Variants in NFIX observed in about 807,000 individuals in gnomAD.
NFIX encodes the protein nuclear factor I X.
Under a neutral mutation model 53.3 loss-of-function variants are expected in NFIX, and 2 were observed. The observed-to-expected ratio is 0.04, with a 90% CI of 0.02 to 0.12. NFIX has a LOEUF of 0.12. NFIX is among the 10% of genes least tolerant of loss of function. NFIX has a pLI of 1.00. For missense variants in NFIX, 310 were observed against 674.5 expected (o/e 0.46, Z 5.99); for synonymous variants, 244 against 289.0 (o/e 0.84, Z 1.58).
rs2018444238 is a variant in NFIX, at chr19:13,096,211, T to TC, written c.*1562_*1563insC. 4 of 152,882 alleles carry TC rather than the reference T, an allele frequency of 2.6e-5. No individual in the cohort carries two copies. Among genetic ancestry groups the TC allele is most frequent in the Admixed American group, 2.0e-4 (3 of 15,280 alleles). 9.5% of individuals were successfully genotyped at this position (152,882 alleles called of 1,614,324 possible). Reference sequence around the variant, plus strand: ...TTCTTGAGTCCTTGTGCCTCTCTCTTTCTCTCTCTTTCTTAATTGTATGAA... The same window carrying TC: ...TTCTTGAGTCCTTGTGCCTCTCTCTTCTCTCTCTCTTTCTTAATTGTATGAA... On this transcript the variant is annotated 3_prime_UTR_variant, in exon 11 of 11. Transcript: ENST00000592199.
rs948774347 is a variant in NFIX, at chr19:13,011,192, C to G, written c.28-13829C>G. 3.3e-5 allele frequency among the ~76,000 whole-genome samples: 5 copies of G among 152,320 alleles called. No individual in the cohort carries two copies. The highest frequency in any genetic ancestry group is 4.1e-4 in the South Asian group (2 of 4,822). The stretch of plus-strand genomic sequence containing the variant: ...ACGTTCTTAAAGACCGGGGACCCCC[C>G]CTCCCCCAAGGGCCGGACTGCAGCT... On this transcript the variant is annotated intron_variant, in intron 1 of 10. Coordinates refer to ENST00000592199, the MANE Select transcript of NFIX (RefSeq NM_001365902.3). The surrounding 1 kb of genome is among the most constrained non-coding windows in gnomAD (Gnocchi z 6.5).
At chr19:13,057,213 C>G (rs1425719259) in intron 2 of NFIX, among the ~76,000 whole-genome samples, 2 of 152,216 alleles carry the variant, frequency 1.3e-5, no homozygotes, top group Non-Finnish European at 2.9e-5. Flanking sequence ...GTGGGACCTT[C>G]CCCTCCTCGG....
chr19:13,047,512 C>T (rs1009663508), intron 2 of NFIX, among the ~76,000 whole-genome samples: 19 of 152,220 alleles, frequency 1.2e-4, no homozygotes, highest in African/African-American at 4.3e-4. Flanking sequence ...GCTCTGACTA[C>T]ACCATGCTTG....
chr19:13,075,499 A>T, intron 5 of NFIX, 36 bp from the exon 6 acceptor site: 1 of 1,609,708 alleles, frequency 6.2e-7, no homozygotes, highest in Non-Finnish European at 8.5e-7. Flanking sequence ...GCCTCAGCCC[A>T]TCCTTGGCCC....
chr19:13,024,367 G>A lies in NFIX; in HGVS notation c.28-654G>A, dbSNP rs1184925581. 1.0e-5 allele frequency: 5 copies of A among 495,320 alleles called. No homozygotes were observed. The Admixed American group carries it at 3.2e-4, about 32-fold the overall frequency. The allele number at this position is 495,320 out of a possible 1,614,324, so 30.7% of individuals were successfully genotyped here. A position where few individuals can be genotyped will look rare whatever the true frequency, so the allele number is the denominator to read the frequency against. Reference sequence around the variant, plus strand: ...CTGAAATCACATATTTAGGATTTAGGTCTGATTAAAAAATGTTGGGGTGGA... The same window carrying A: ...CTGAAATCACATATTTAGGATTTAGATCTGATTAAAAAATGTTGGGGTGGA... On this transcript the variant is annotated intron_variant, in intron 1 of 10. Transcript: ENST00000592199.
chr19:13,026,752 G>C (rs1210652065), intron 2 of NFIX, among the ~76,000 whole-genome samples: 99 of 149,356 alleles, frequency 6.6e-4, no homozygotes, highest in Admixed American at 6.2e-3. Context: ...CTCTGTGTGT[G>C]TGTGTGTGTG....
chr19:13,038,535 G>A (rs776578220), intron 2 of NFIX, among the ~76,000 whole-genome samples: 4 of 152,218 alleles, frequency 2.6e-5, no homozygotes, highest in Non-Finnish European at 5.9e-5. Context: ...TCCTATTCTG[G>A]CACATGGAGT....
At chr19:13,084,151 A>G (rs1272828063) in intron 8 of NFIX, among the ~76,000 whole-genome samples, 9 of 152,210 alleles carry the variant, frequency 5.9e-5, no homozygotes, top group Non-Finnish European at 1.5e-5. Flanking sequence ...TCTGCATAGA[A>G]GAATTTTAGG....
intron 2 of NFIX, among the ~76,000 whole-genome samples, chr19:13,035,716 C>T (rs1284599245): frequency 6.6e-6 from 1 of 152,084 alleles, no homozygotes; most frequent in Non-Finnish European, 1.5e-5. Flanking sequence ...AACTTCACTT[C>T]GCAGATCCAT....
intron 2 of NFIX, among the ~76,000 whole-genome samples, chr19:13,050,160 G>A (rs528537769): frequency 8.5e-5 from 13 of 152,278 alleles, no homozygotes; most frequent in Admixed American, 8.5e-4. Flanking sequence ...GGGCACCCAG[G>A]GTCTCTCTGG....
In NFIX at chr19:13,073,154, C is replaced by G; in HGVS notation, c.622+45C>G. ...CCAGCTGCCCTTATCCTTCATGCCC[C>G]TCCACTTCCTTCCCCCACCCTGGCT... On this transcript the variant is annotated intron_variant, in intron 3 of 10. Coordinates refer to ENST00000592199, the MANE Select transcript of NFIX (RefSeq NM_001365902.3). This position sits in a 1 kb window ranked among gnomAD's most constrained non-coding sequence, Gnocchi z 4.5. 1 of 1,585,960 alleles carries G rather than the reference C, an allele frequency of 6.3e-7. No individual in the cohort carries two copies. The highest frequency in any genetic ancestry group is 8.7e-7 in the Non-Finnish European group (1 of 1,154,282).
chr19:13,060,077 C>CGGTG lies in NFIX; in HGVS notation c.560-12969_560-12968insGTGG, dbSNP rs2015978526. Among the ~76,000 whole-genome samples the CGGTG allele has an allele frequency of 1.3e-5, 2 of 152,306 alleles. No homozygotes were observed. Among genetic ancestry groups the CGGTG allele is most frequent in the African/African-American group, 4.8e-5 (2 of 41,572 alleles). ...TGCTGAGATTACAGGCATGAGCCAC[C>CGGTG]GCACCCGGCCAAGAGGAACGCTTTT... is the stretch of plus-strand genomic sequence containing the variant. On this transcript the variant is annotated intron_variant, in intron 2 of 10. Coordinates refer to ENST00000592199, the MANE Select transcript of NFIX (RefSeq NM_001365902.3). The surrounding 1 kb of genome is among the most constrained non-coding windows in gnomAD (Gnocchi z 4.3).
At chr19:13,010,417 C>G (rs1275687627) in intron 1 of NFIX, among the ~76,000 whole-genome samples, 1 of 152,284 alleles carries the variant, frequency 6.6e-6, no homozygotes, top group Non-Finnish European at 1.5e-5. Flanking sequence ...CATAAGCACG[C>G]TCTCGTATAG....
chr19:13,063,534 TTTTG>T (rs1305238924), intron 2 of NFIX, among the ~76,000 whole-genome samples: 1 of 152,124 alleles, frequency 6.6e-6, no homozygotes, highest in Admixed American at 6.5e-5. Context: ...TCTTTTTTGT[TTTTG>T]TCCCCTTTCC....
At chr19:13,064,078 C>G (rs1380256788) in intron 2 of NFIX, among the ~76,000 whole-genome samples, 1 of 152,264 alleles carries the variant, frequency 6.6e-6, no homozygotes, top group East Asian at 1.9e-4. Context: ...GATGGGACCC[C>G]CCCCCTCCCC....
At chr19:13,056,201 C>T (rs907707257) in intron 2 of NFIX, among the ~76,000 whole-genome samples, 4 of 152,188 alleles carry the variant, frequency 2.6e-5, no homozygotes, top group African/African-American at 7.2e-5. Context: ...GGGGGAGGAG[C>T]GGGCTTTGCA....
intron 1 of NFIX, among the ~76,000 whole-genome samples, chr19:12,999,884 C>T (rs777488588): frequency 2.4e-4 from 36 of 152,382 alleles, no homozygotes; most frequent in Admixed American, 9.1e-4. Context: ...ATTTTCTCTC[C>T]GGCTCTGGCC....
At position 13,049,482 on chromosome 19, in the gene NFIX, G is replaced by C. The variant is rs948930005; in HGVS notation, c.560-23565G>C. ...GTTTCTATGGATTTGCCTAGTTGTG[G>C]ATGTTTCATATAAATGAGATCATAC... is the stretch of plus-strand genomic sequence containing the variant. On this transcript the variant is annotated intron_variant, in intron 2 of 10. Transcript: ENST00000592199. This position sits in a 1 kb window ranked among gnomAD's most constrained non-coding sequence, Gnocchi z 4.5. 6.6e-6 allele frequency among the ~76,000 whole-genome samples: 1 copy of C among 152,144 alleles called. No homozygotes were observed. Among genetic ancestry groups the C allele is most frequent in the Admixed American group, 6.5e-5 (1 of 15,276 alleles).
At position 13,014,944 on chromosome 19, in the gene NFIX, A is replaced by G. The variant is rs771378690; in HGVS notation, c.28-10077A>G. 9.2e-5 allele frequency among the ~76,000 whole-genome samples: 14 copies of G among 152,208 alleles called. No individual in the cohort carries two copies. The highest frequency in any genetic ancestry group is 1.9e-4 in the Non-Finnish European group (13 of 68,040). ...TGTGGGGTAGACCGCTTAGAAGGGA[A>G]AGGGGATCCTGAAGTGCCTGAGGAA... On this transcript the variant is annotated intron_variant, in intron 1 of 10. Transcript: ENST00000592199. This position sits in a 1 kb window ranked among gnomAD's most constrained non-coding sequence, Gnocchi z 4.4.
Sources: allele counts gnomAD v4.1 joint callset (sites outside exome capture counted in the v4.1 genomes callset), GRCh38; gene constraint gnomAD v4.1.1; non-coding constraint Gnocchi (gnomAD v3.1); transcripts MANE v1.5; gene names NCBI Gene and HGNC (gene_info 2026-07-23, HGNC 2026-07-21).